The following ZC3H11A variants were observed in gnomAD, a reference collection of about 807,000 sequenced individuals.
The protein encoded by ZC3H11A is zinc finger CCCH-type containing 11A, also known as zinc finger CCCH domain-containing protein 11A.
A neutral mutation model predicts 90.8 loss-of-function variants in ZC3H11A; 22 were observed. The observed-to-expected ratio is 0.24, with a 90% CI of 0.17 to 0.35. The LOEUF is 0.35. Among genes scored for constraint, ZC3H11A ranks in the 10% least tolerant of loss-of-function variants. ZC3H11A has a pLI of 1.00. For synonymous variants in ZC3H11A, 294 were observed against 339.8 expected (o/e 0.87, Z 1.48); for missense variants, 701 against 964.9 (o/e 0.73, Z 3.62).
rs1206915786 is a variant in ZC3H11A at position 203,798,127 on chromosome 1, A to G, written c.-1588+2333A>G. Reference sequence around the variant, plus strand: ...AGTGGAGAGGAGGACTTTACCTTGGATGTGTCTTTATCTCCCTCTTCTGGA... The same window carrying G: ...AGTGGAGAGGAGGACTTTACCTTGGGTGTGTCTTTATCTCCCTCTTCTGGA... On this transcript the variant is annotated intron_variant, in intron 1 of 17. Transcript: ENST00000367210. 3 of 1,536,126 alleles carry G rather than the reference A, an allele frequency of 2.0e-6. No individual in the cohort carries two copies. The South Asian group carries it at 3.6e-5, about 18-fold the overall frequency.
chr1:203,820,610 T>C (rs1469065187), intron 4 of ZC3H11A, among the ~76,000 whole-genome samples: 1 of 151,980 alleles, frequency 6.6e-6, no homozygotes, highest in Non-Finnish European at 1.5e-5. Context: ...CTCGAGTAGC[T>C]GGGACAACGG....
chr1:203,808,750 A>T (rs1471452653), intron 2 of ZC3H11A, among the ~76,000 whole-genome samples: 1 of 152,164 alleles, frequency 6.6e-6, no homozygotes, highest in African/African-American at 2.4e-5. Flanking sequence ...TTTTGAAGGT[A>T]GGGGCTGGAA....
intron 4 of ZC3H11A, among the ~76,000 whole-genome samples, chr1:203,825,396 A>G (rs938854621): frequency 6.6e-6 from 1 of 151,228 alleles, no homozygotes; most frequent in Non-Finnish European, 1.5e-5. Flanking sequence ...ATGTGAAGAC[A>G]TAATTATGTA....
chr1:203,828,041 T>A (rs1047760195), intron 4 of ZC3H11A, among the ~76,000 whole-genome samples: 2 of 120,698 alleles, frequency 1.7e-5, no homozygotes, highest in South Asian at 3.0e-4. Context: ...TTCTCTAAAT[T>A]AAGTGTAGAC....
At chr1:203,849,658 A>G (rs1688793803) in intron 14 of ZC3H11A, 53 bp from the exon 15 acceptor site, 1 of 1,536,664 alleles carries the variant, frequency 6.5e-7, no homozygotes, top group African/African-American at 1.4e-5. Flanking sequence ...CTTACATCAT[A>G]CAGGTTATTA....
At chr1:203,797,392 G>T in intron 1 of ZC3H11A, 1 of 852,618 alleles carries the variant, frequency 1.2e-6, no homozygotes, top group Non-Finnish European at 1.7e-6. Flanking sequence ...GAAGTTATTG[G>T]TCCAGTGGGA....
chr1:203,838,106 G>A (rs775277241), intron 11 of ZC3H11A, 42 bp downstream of exon 11: 1 of 1,570,102 alleles, frequency 6.4e-7, no homozygotes, highest in Non-Finnish European at 8.7e-7. Flanking sequence ...ATGTAATTAT[G>A]ACACTTGTGT....
intron 1 of ZC3H11A, chr1:203,798,793 C>T (rs1669554295): frequency 6.5e-7 from 1 of 1,536,030 alleles, no homozygotes; most frequent in African/African-American, 1.4e-5. Context: ...GATATGCATC[C>T]TTACAACTAT....
chr1:203,827,636 C>T (rs1444715368), intron 4 of ZC3H11A, among the ~76,000 whole-genome samples: 6 of 150,554 alleles, frequency 4.0e-5, no homozygotes, highest in South Asian at 2.1e-4. Flanking sequence ...GAGCGGAGAT[C>T]GCGCCACTGC....
chr1:203,845,474 T>C (rs1018317359), intron 12 of ZC3H11A, among the ~76,000 whole-genome samples: 16 of 152,202 alleles, frequency 1.1e-4, no homozygotes, highest in African/African-American at 3.9e-4. Context: ...ATGAAGTCTT[T>C]AGTGTGGTTG....
chr1:203,810,053 C>G (rs1673826241), intron 2 of ZC3H11A, among the ~76,000 whole-genome samples: 1 of 151,138 alleles, frequency 6.6e-6, no homozygotes, highest in Non-Finnish European at 1.5e-5. Context: ...GGATGTGCAT[C>G]TTTGTTTTGT....
chr1:203,829,582 T>A lies in ZC3H11A; in HGVS notation c.430T>A (p.Ser144Thr). 1 of 1,614,122 alleles carries A rather than the reference T, an allele frequency of 6.2e-7. No homozygotes were observed. The highest frequency in any genetic ancestry group is 8.5e-7 in the Non-Finnish European group (1 of 1,180,022). Reference sequence around the variant, plus strand: ...GCGGAGCGTTATGAAAGTAGAAAGTTCCGAAAATGTTCCTAGCCCCACGCA... The same window carrying A: ...GCGGAGCGTTATGAAAGTAGAAAGTACCGAAAATGTTCCTAGCCCCACGCA... ...QLRSVMKVES[S>T]ENVPSPTHPP... The change falls in exon 6 of 18, where the codon TCC (serine) becomes ACC (threonine). Residue 144 changes from serine (S) to threonine (T), a missense_variant. Physicochemically the swap from Ser to Thr is moderately conservative, Grantham distance 58 (BLOSUM62 1). Around this residue, in one of 4 missense-constraint regions of ZC3H11A, gnomAD observed 530 missense variants for 696.2 expected, o/e 0.76. Coordinates refer to ENST00000367210, the MANE Select transcript of ZC3H11A (RefSeq NM_001376342.1).
intron 12 of ZC3H11A, among the ~76,000 whole-genome samples, chr1:203,841,084 A>G (rs1685980710): frequency 6.6e-6 from 1 of 152,020 alleles, no homozygotes; most frequent in African/African-American, 2.4e-5. Context: ...TCAAGTGAAG[A>G]AAGATAACAG....
Position 203,852,339 on chromosome 1 carries a change from G to T in ZC3H11A, c.2373G>T (p.Leu791=), listed in dbSNP as rs746322242. 1 of 1,613,548 alleles carries T rather than the reference G, an allele frequency of 6.2e-7. No homozygotes were observed. The highest frequency in any genetic ancestry group is 8.5e-7 in the Non-Finnish European group (1 of 1,179,852). Residue 791 remains leucine (L), a synonymous_variant, in exon 18 of 18, where the codon CTG becomes CTT. Coordinates refer to ENST00000367210, the MANE Select transcript of ZC3H11A (RefSeq NM_001376342.1). ...SGGKLEAEID[L]DPGKDEDDLL... is the part of the protein sequence containing the mutation. ...GCAAATTGGAAGCTGAGATTGACCT[G>T]GATCCTGGGAAAGATGAAGATGACC...
intron 10 of ZC3H11A, among the ~76,000 whole-genome samples, chr1:203,834,640 G>C (rs1269461531): frequency 6.6e-6 from 1 of 151,942 alleles, no homozygotes; most frequent in Non-Finnish European, 1.5e-5. Flanking sequence ...TAACGTGTCT[G>C]ACTCCAAAAA....
intron 2 of ZC3H11A, chr1:203,805,569 T>G (rs1251062853): frequency 3.3e-6 from 2 of 608,808 alleles, no homozygotes; most frequent in African/African-American, 3.7e-5. Flanking sequence ...GAAAGATCAG[T>G]ATTTCATAGT....
intron 4 of ZC3H11A, among the ~76,000 whole-genome samples, chr1:203,819,187 C>T (rs1446503470): frequency 4.8e-5 from 7 of 147,350 alleles, no homozygotes; most frequent in African/African-American, 1.7e-4. Context: ...TATATATATA[C>T]ACAACTTTCC....
chr1:203,824,660 A>G (rs1679904274), intron 4 of ZC3H11A, among the ~76,000 whole-genome samples: 3 of 152,130 alleles, frequency 2.0e-5, no homozygotes, highest in Admixed American at 6.5e-5. Context: ...TGTCCTTTTC[A>G]TGATGTATTT....
chr1:203,833,681 C>A, intron 9 of ZC3H11A, 110 bp from the exon 10 acceptor site: 27 of 528,810 alleles, frequency 5.1e-5, no homozygotes, highest in East Asian at 1.9e-4. Flanking sequence ...TTTCAAGAGA[C>A]TTTCTGGGTG....
Sources: allele counts gnomAD v4.1 joint callset (sites outside exome capture counted in the v4.1 genomes callset), GRCh38; gene constraint gnomAD v4.1.1; regional missense constraint gnomAD v4.1.1; transcripts MANE v1.5; gene names NCBI Gene and HGNC (gene_info 2026-07-23, HGNC 2026-07-21).